Variants in SPON1 observed in about 807,000 individuals in gnomAD.
The protein encoded by SPON1 is spondin-1.
A neutral mutation model predicts 111.7 loss-of-function variants in SPON1; 52 were observed. The observed-to-expected ratio is 0.47, with a 90% CI of 0.37 to 0.59. The LOEUF (loss-of-function observed/expected upper bound fraction) is 0.59. Among genes scored for constraint, SPON1 ranks in the 20% least tolerant of loss-of-function variants. The pLI is 0.00. For missense variants in SPON1, 957 were observed against 1,068.5 expected, an observed-to-expected ratio of 0.90 and a Z score of 1.46; for synonymous variants, 410 against 395.8, an observed-to-expected ratio of 1.04 and a Z score of -0.43.
Position 14,061,965 on chromosome 11 carries a change from G to T in SPON1, c.480-13380G>T, listed in dbSNP as rs190778855. Reference sequence around the variant, plus strand: ...TTAATCACACACAAGTTGACCATCAGTGCTGGAAGTTTATTGCACAAATAC... The same window carrying T: ...TTAATCACACACAAGTTGACCATCATTGCTGGAAGTTTATTGCACAAATAC... On this transcript the variant is annotated intron_variant, in intron 3 of 15. Transcript: ENST00000576479. 2.7e-4 allele frequency among the ~76,000 whole-genome samples: 41 copies of T among 152,326 alleles called. No individual in the cohort carries two copies. The East Asian group carries it at 3.1e-3, about 11-fold the overall frequency.
intron 5 of SPON1, among the ~76,000 whole-genome samples, chr11:14,109,891 C>T (rs1849214726): frequency 6.6e-6 from 1 of 152,190 alleles, no homozygotes; most frequent in African/African-American, 2.4e-5. Context: ...TTTTCCATCT[C>T]AAAGACAGGA....
chr11:14,072,903 C>A (rs944248175), intron 3 of SPON1, among the ~76,000 whole-genome samples: 7 of 152,124 alleles, frequency 4.6e-5, no homozygotes, highest in Non-Finnish European at 8.8e-5. Context: ...CATCTCCCTG[C>A]AGGCTCTGGG....
chr11:13,988,148 T>C (rs990266411), intron 2 of SPON1, among the ~76,000 whole-genome samples: 4 of 152,228 alleles, frequency 2.6e-5, no homozygotes, highest in African/African-American at 9.6e-5. Context: ...TTGGGCAGTA[T>C]GGCCATTTTC....
intron 5 of SPON1, among the ~76,000 whole-genome samples, chr11:14,114,709 G>C (rs1242040646): frequency 6.6e-6 from 1 of 152,008 alleles, no homozygotes. Context: ...AGTCTGTATT[G>C]GCGGCCCTCC....
At chr11:14,059,968 T>C (rs908110897) in intron 3 of SPON1, among the ~76,000 whole-genome samples, 1 of 152,174 alleles carries the variant, frequency 6.6e-6, no homozygotes, top group Admixed American at 6.5e-5. Context: ...CAGGTCAAGG[T>C]TGGAATCCTG....
chr11:14,249,753 T>A (rs1554940529), intron 7 of SPON1, among the ~76,000 whole-genome samples: 3 of 152,182 alleles, frequency 2.0e-5, no homozygotes. Context: ...TTGGAAAAGT[T>A]GAATGAGAAG....
At chr11:14,160,172 C>G (rs1215827172) in intron 6 of SPON1, among the ~76,000 whole-genome samples, 1 of 150,452 alleles carries the variant, frequency 6.6e-6, no homozygotes, top group Non-Finnish European at 1.5e-5. Flanking sequence ...TATACACCCA[C>G]AAAATTTTTT....
chr11:14,224,984 A>C (rs1311865201), intron 6 of SPON1, among the ~76,000 whole-genome samples: 1 of 152,204 alleles, frequency 6.6e-6, no homozygotes, highest in Non-Finnish European at 1.5e-5. Flanking sequence ...AGTGAAGGCA[A>C]TAGACATGGC....
intron 2 of SPON1, among the ~76,000 whole-genome samples, chr11:13,995,893 A>C (rs1206663480): frequency 6.6e-6 from 1 of 152,196 alleles, no homozygotes; most frequent in African/African-American, 2.4e-5. Context: ...TAGATGCTAA[A>C]ATTGCTGCAT....
At chr11:14,084,316 A>G (rs1217101919) in intron 5 of SPON1, among the ~76,000 whole-genome samples, 1 of 152,074 alleles carries the variant, frequency 6.6e-6, no homozygotes. Flanking sequence ...ACTCCCCGAC[A>G]GGACCAGGTG....
chr11:14,212,901 T>C (rs1459819208), intron 6 of SPON1, among the ~76,000 whole-genome samples: 2 of 152,216 alleles, frequency 1.3e-5, no homozygotes, highest in Non-Finnish European at 2.9e-5. Context: ...AAGATGGGTC[T>C]ATGCTGTGAG....
chr11:14,232,814 CCT>C (rs1354617701), intron 6 of SPON1, among the ~76,000 whole-genome samples: 3 of 152,164 alleles, frequency 2.0e-5, no homozygotes, highest in African/African-American at 4.8e-5. Flanking sequence ...CGCTAATTCA[CCT>C]CTGTCTTTCC....
chr11:14,140,632 T>C (rs753100642), intron 6 of SPON1, among the ~76,000 whole-genome samples: 91 of 152,322 alleles, frequency 6.0e-4, no homozygotes, highest in Admixed American at 1.5e-3. Context: ...TGACCTCAGG[T>C]GATCCACCCA....
At chr11:14,175,770 A>G (rs1178049118) in intron 6 of SPON1, among the ~76,000 whole-genome samples, 1 of 152,100 alleles carries the variant, frequency 6.6e-6, no homozygotes, top group Non-Finnish European at 1.5e-5. Flanking sequence ...GCTTCTGGCG[A>G]CCCTGCTCAC....
chr11:14,178,113 C>G (rs929711855), intron 6 of SPON1, among the ~76,000 whole-genome samples: 1 of 151,010 alleles, frequency 6.6e-6, no homozygotes, highest in Non-Finnish European at 1.5e-5. Context: ...GTCGTTTGCT[C>G]TCACAGATTA....
intron 1 of SPON1, among the ~76,000 whole-genome samples, chr11:13,967,270 G>A (rs1419292007): frequency 6.6e-6 from 1 of 152,116 alleles, no homozygotes; most frequent in East Asian, 1.9e-4. Flanking sequence ...CCTTCTGGAT[G>A]GTGAGCCTTC....
intron 6 of SPON1, among the ~76,000 whole-genome samples, chr11:14,185,366 A>G (rs1848275482): frequency 6.6e-6 from 1 of 152,060 alleles, no homozygotes; most frequent in South Asian, 2.1e-4. Context: ...TTTTTCCTCT[A>G]TTTACTATCA....
At chr11:14,057,831 C>CAAAAAAAAAAAAAAAAAAAAAAA (rs782306609) in intron 3 of SPON1, among the ~76,000 whole-genome samples, 21 of 100,502 alleles carry the variant, frequency 2.1e-4, no homozygotes, top group East Asian at 3.0e-4. Context: ...CTTGTCTCTA[C>CAAAAAAAAAAAAAAAAAAAAAAA]AAAAAAAAAA....
At chr11:14,107,388 G>A (rs1327311767) in intron 5 of SPON1, among the ~76,000 whole-genome samples, 2 of 152,110 alleles carry the variant, frequency 1.3e-5, no homozygotes, top group Non-Finnish European at 2.9e-5. Context: ...GAAGAGATCT[G>A]TACATCTGTC....
Sources: gnomAD v4.1 joint callset for allele counts (sites outside exome capture counted in the v4.1 genomes callset) on GRCh38, gnomAD v4.1.1 for gene constraint, MANE v1.5 for transcripts, NCBI Gene and HGNC (gene_info 2026-07-23, HGNC 2026-07-21) for gene names.